NT5C2: variants seen among roughly 807,000 people sequenced by gnomAD.
NT5C2 encodes the protein 5'-nucleotidase, cytosolic II.
A neutral mutation model predicts 76.1 loss-of-function variants in NT5C2; 58 were observed. The ratio of observed to expected loss-of-function variants is 0.76; its 90% CI spans 0.62 to 0.95. The LOEUF (loss-of-function observed/expected upper bound fraction) is 0.95, where lower values mean the gene tolerates loss of function less well. Ranked by LOEUF, NT5C2 falls within the 40% of genes least tolerant of loss-of-function variation. The pLI, the probability that NT5C2 is intolerant of heterozygous loss-of-function variation, is 0.00. For synonymous variants in NT5C2, 229 were observed against 237.4 expected, an observed-to-expected ratio of 0.96 and a Z score of 0.32; for missense variants, 478 against 690.3, an observed-to-expected ratio of 0.69 and a Z score of 3.45.
At chr10:103,185,867 A>T (rs1428928904) in intron 1 of NT5C2, among the ~76,000 whole-genome samples, 1 of 152,160 alleles carries the variant, frequency 6.6e-6, no homozygotes, top group African/African-American at 2.4e-5. Flanking sequence ...ATTCATACTT[A>T]AGGTTTAGTC....
intron 2 of NT5C2, among the ~76,000 whole-genome samples, chr10:103,178,392 A>T (rs2090419137): frequency 1.3e-5 from 2 of 152,052 alleles, no homozygotes; most frequent in Admixed American, 1.3e-4. Flanking sequence ...AAAATATACA[A>T]AAATTAGTTG....
At chr10:103,190,792 A>T (rs1382388988) in intron 1 of NT5C2, among the ~76,000 whole-genome samples, 2 of 152,194 alleles carry the variant, frequency 1.3e-5, no homozygotes, top group East Asian at 3.9e-4. Context: ...AAACCTCAAA[A>T]CATTACAACA....
intron 3 of NT5C2, among the ~76,000 whole-genome samples, chr10:103,164,026 G>A (rs1284825553): frequency 1.3e-5 from 2 of 152,036 alleles, no homozygotes; most frequent in African/African-American, 4.8e-5. Context: ...ACTGTTTGAA[G>A]CCCGGGGTTT....
intron 4 of NT5C2, among the ~76,000 whole-genome samples, chr10:103,122,134 A>G (rs2075793056): frequency 1.3e-5 from 2 of 152,198 alleles, no homozygotes; most frequent in South Asian, 4.1e-4. Flanking sequence ...AGATCACCCC[A>G]CTGCACTCCC....
At chr10:103,100,502 C>CTGGTATATAGATGGCTA in intron 8 of NT5C2, among the ~76,000 whole-genome samples, 1 of 152,284 alleles carries the variant, frequency 6.6e-6, no homozygotes, top group African/African-American at 2.4e-5. Context: ...TTAGCCAACT[C>CTGGTATATAGATGGCTA]TGGTATATAG....
rs189198286 is a variant in NT5C2 at position 103,167,700 on chromosome 10, T to C, written c.101+7158A>G. On this transcript the variant is annotated intron_variant, in intron 3 of 18. Coordinates refer to ENST00000404739, the MANE Select transcript of NT5C2 (RefSeq NM_001351169.2). The stretch of plus-strand genomic sequence containing the variant: ...AGGCTGAAGTGCAGTGGCGCAATCA[T>C]GGCTCACTGCAGCCTTGACCTCCCA... Among the ~76,000 whole-genome samples the C allele has an allele frequency of 2.2e-3, 342 of 152,282 alleles. 1 individual carries two copies. Among genetic ancestry groups the C allele is most frequent in the Admixed American group, 3.3e-3 (50 of 15,298 alleles).
At chr10:103,190,825 A>G in intron 1 of NT5C2, among the ~76,000 whole-genome samples, 1 of 152,240 alleles carries the variant, frequency 6.6e-6, no homozygotes, top group Admixed American at 6.5e-5. Flanking sequence ...AAATTTACTA[A>G]GAGCCTGTGT....
At position 103,145,409 on chromosome 10, in the gene NT5C2, C is replaced by T. The variant is rs143003870; in HGVS notation, c.102-5930G>A. On this transcript the variant is annotated intron_variant, in intron 3 of 18. Transcript: ENST00000404739. ...TATCAATTACAAGGCTGGCCCACTG[C>T]CCCATCATACATTTCAAAACAAAAA... is the stretch of plus-strand genomic sequence containing the variant. Among the ~76,000 whole-genome samples the T allele has an allele frequency of 7.4e-4, 112 of 152,250 alleles. 1 individual carries two copies. Among genetic ancestry groups the T allele is most frequent in the African/African-American group, 2.6e-3 (109 of 41,530 alleles).
intron 4 of NT5C2, among the ~76,000 whole-genome samples, chr10:103,137,017 A>G (rs1213931372): frequency 6.6e-6 from 1 of 152,212 alleles, no homozygotes; most frequent in East Asian, 1.9e-4. Context: ...AAAATGTGCC[A>G]GGCACATTAT....
chr10:103,172,334 C>T (rs1484449710), intron 3 of NT5C2, among the ~76,000 whole-genome samples: 4 of 150,418 alleles, frequency 2.7e-5, no homozygotes, highest in East Asian at 2.1e-4. Flanking sequence ...CTGCAAGCTC[C>T]GCCTCCTAGG....
At chr10:103,124,587 AT>A (rs1463729713) in intron 4 of NT5C2, among the ~76,000 whole-genome samples, 3 of 152,048 alleles carry the variant, frequency 2.0e-5, no homozygotes, top group Non-Finnish European at 4.4e-5. Context: ...TGCACTAGTC[AT>A]TTCATGTACA....
At chr10:103,102,656 G>A (rs1035179249) in intron 6 of NT5C2, among the ~76,000 whole-genome samples, 8 of 151,790 alleles carry the variant, frequency 5.3e-5, no homozygotes, top group Admixed American at 5.3e-4. Flanking sequence ...AAACTGAGCA[G>A]ATTTGGCTGG....
At chr10:103,158,529 A>G (rs2083963078) in intron 3 of NT5C2, among the ~76,000 whole-genome samples, 1 of 152,172 alleles carries the variant, frequency 6.6e-6, no homozygotes, top group Non-Finnish European at 1.5e-5. Context: ...CAAGAATAAA[A>G]GCAGAGGCCA....
At chr10:103,135,605 A>C (rs1458063151) in intron 4 of NT5C2, among the ~76,000 whole-genome samples, 1 of 147,600 alleles carries the variant, frequency 6.8e-6, no homozygotes, top group Non-Finnish European at 1.5e-5. Flanking sequence ...TGAAACCCCC[A>C]CTGCCCCCCA....
intron 2 of NT5C2, among the ~76,000 whole-genome samples, chr10:103,179,627 A>G (rs937013047): frequency 6.6e-6 from 1 of 151,132 alleles, no homozygotes; most frequent in Non-Finnish European, 1.5e-5. Context: ...CTTTGAGCCC[A>G]GGAGTTTGAG....
intron 3 of NT5C2, among the ~76,000 whole-genome samples, chr10:103,163,432 G>A (rs2085445445): frequency 6.6e-6 from 1 of 152,074 alleles, no homozygotes; most frequent in African/African-American, 2.4e-5. Flanking sequence ...CACATCCTTG[G>A]CAACACTTGA....
intron 4 of NT5C2, among the ~76,000 whole-genome samples, chr10:103,131,759 A>AT (rs2078211563): frequency 6.6e-6 from 1 of 152,048 alleles, no homozygotes; most frequent in African/African-American, 2.4e-5. Flanking sequence ...TGTCACTACT[A>AT]AACAATGAAA....
Position 103,093,022 on chromosome 10 carries a change from G to A in NT5C2, c.1159+117C>T, listed in dbSNP as rs1277764164. 6.9e-6 allele frequency: 5 copies of A among 721,824 alleles called. No homozygotes were observed. The African/African-American group carries it at 7.3e-5, about 11-fold the overall frequency. 44.7% of individuals were successfully genotyped at this position (721,824 alleles called of 1,614,324 possible). ...GGGAAGGAAGTATCCAAATATCAAG[G>A]CCTGCCTTTTGACCACCTCTGACTT... is the stretch of plus-strand genomic sequence containing the variant. On this transcript the variant is annotated intron_variant, in intron 15 of 18. Transcript: ENST00000404739.
chr10:103,129,630 G>T (rs1290679987), intron 4 of NT5C2, among the ~76,000 whole-genome samples: 48 of 92,270 alleles, frequency 5.2e-4, no homozygotes, highest in Non-Finnish European at 9.1e-4. Flanking sequence ...GGTGGGGGGG[G>T]GTCAGCCCCC....
Sources: gnomAD v4.1 joint callset for allele counts (sites outside exome capture counted in the v4.1 genomes callset) on GRCh38, gnomAD v4.1.1 for gene constraint, MANE v1.5 for transcripts, NCBI Gene and HGNC (gene_info 2026-07-23, HGNC 2026-07-21) for gene names.